The following FBXW11 variants were observed in gnomAD, a reference collection of about 807,000 sequenced individuals.
FBXW11 encodes F-box/WD repeat-containing protein 11.
A neutral mutation model predicts 77.6 loss-of-function variants in FBXW11; 19 were observed. The observed-to-expected ratio is 0.24, with a 90% CI of 0.17 to 0.36. FBXW11 has a LOEUF of 0.36. Ranked by LOEUF, FBXW11 falls within the 10% of genes least tolerant of loss-of-function variation. FBXW11 has a pLI of 1.00. For missense variants in FBXW11, 334 were observed against 704.2 expected (o/e 0.47, Z 5.95); for synonymous variants, 235 against 249.4 (o/e 0.94, Z 0.54).
chr5:171,913,829 A>ACG (rs1761048226), intron 3 of FBXW11, among the ~76,000 whole-genome samples: 1 of 110,028 alleles, frequency 9.1e-6, no homozygotes, highest in African/African-American at 3.9e-5. Context: ...ACACACACAC[A>ACG]CACACACACA....
intron 3 of FBXW11, among the ~76,000 whole-genome samples, chr5:171,913,990 A>G (rs1761068670): frequency 6.6e-6 from 1 of 152,318 alleles, no homozygotes; most frequent in East Asian, 1.9e-4. Flanking sequence ...GTAAAGGTTG[A>G]GAGCAAAAGG....
chr5:171,918,971 T>TAC (rs1561683507), intron 2 of FBXW11, among the ~76,000 whole-genome samples: 1 of 152,166 alleles, frequency 6.6e-6, no homozygotes, highest in Non-Finnish European at 1.5e-5. Flanking sequence ...ACTAAGGCAC[T>TAC]ACCATCTCAG....
rs201147396 is a variant in FBXW11, at chr5:172,004,896, T to C, written c.45+1562A>G. Reference sequence around the variant, plus strand: ...ACACACACACACACACACACACGCATGCAAAAATCAAAAACTATCAGTTTC... The same window carrying C: ...ACACACACACACACACACACACGCACGCAAAAATCAAAAACTATCAGTTTC... On this transcript the variant is annotated intron_variant, in intron 1 of 13. Transcript: ENST00000517395. Among the ~76,000 whole-genome samples the C allele has an allele frequency of 3.6e-4, 39 of 109,312 alleles. 1 individual carries two copies. Among genetic ancestry groups the C allele is most frequent in the Admixed American group, 3.6e-3 (37 of 10,376 alleles). The allele number at this position is 109,312 out of a possible 152,430, so 71.7% of individuals were successfully genotyped here. A position where few individuals can be genotyped will look rare whatever the true frequency, so the allele number is the denominator to read the frequency against.
rs370157758 is a variant in FBXW11, at chr5:171,966,045, TG to T, written c.46-8348del. On this transcript the variant is annotated intron_variant, in intron 1 of 13. Transcript: ENST00000517395. ...TTTCCCCTTTGCCTTCAGCCATGAT[TG>T]TAAGTTTCCTAAGGCCTCCCAATCA... Among the ~76,000 whole-genome samples the T allele has an allele frequency of 1.2e-3, 176 of 152,298 alleles. 1 individual carries two copies. The highest frequency in any genetic ancestry group is 4.0e-3 in the African/African-American group (165 of 41,558).
intron 2 of FBXW11, among the ~76,000 whole-genome samples, chr5:171,921,303 G>A (rs909892175): frequency 2.0e-5 from 3 of 152,172 alleles, no homozygotes; most frequent in African/African-American, 7.2e-5. Context: ...TATTTCAATT[G>A]GAAAACTCTC....
At chr5:171,872,175 G>A (rs1175362967) in intron 10 of FBXW11, among the ~76,000 whole-genome samples, 1 of 152,156 alleles carries the variant, frequency 6.6e-6, no homozygotes, top group Non-Finnish European at 1.5e-5. Flanking sequence ...AGTCACTTAT[G>A]TAAAGCTACT....
At chr5:171,870,075 CG>C (rs1757662299) in intron 11 of FBXW11, among the ~76,000 whole-genome samples, 1 of 152,096 alleles carries the variant, frequency 6.6e-6, no homozygotes, top group African/African-American at 2.4e-5. Context: ...AATTCAGTTC[CG>C]GACTTGATAA....
chr5:171,952,470 T>TTTTTTTTA (rs1763396574), intron 2 of FBXW11, among the ~76,000 whole-genome samples: 2 of 108,966 alleles, frequency 1.8e-5, no homozygotes, highest in Non-Finnish European at 3.8e-5. Context: ...TTTTTTTTTT[T>TTTTTTTTA]GAGACGGAGT....
chr5:171,870,455 AC>A (rs1268808685), intron 11 of FBXW11, among the ~76,000 whole-genome samples: 4 of 152,112 alleles, frequency 2.6e-5, no homozygotes, highest in East Asian at 1.9e-4. Context: ...AGAAGTCAAT[AC>A]CCCCACATCA....
intron 6 of FBXW11, among the ~76,000 whole-genome samples, chr5:171,893,364 G>GTCA (rs1759487754): frequency 8.1e-6 from 1 of 124,042 alleles, no homozygotes; most frequent in South Asian, 2.7e-4. Context: ...CCTAGCCTGG[G>GTCA]TCATCATCTC....
chr5:171,917,521 TA>T (rs1273442864), intron 2 of FBXW11, among the ~76,000 whole-genome samples: 4 of 152,172 alleles, frequency 2.6e-5, no homozygotes, highest in Admixed American at 6.5e-5. Context: ...TACAATTTAA[TA>T]AAATTGTTTT....
chr5:171,882,007 C>T (rs1307417129), intron 7 of FBXW11, among the ~76,000 whole-genome samples: 3 of 152,058 alleles, frequency 2.0e-5, no homozygotes, highest in Admixed American at 2.0e-4. Flanking sequence ...CTCATCTTTT[C>T]AAAGACACAT....
intron 7 of FBXW11, among the ~76,000 whole-genome samples, chr5:171,878,459 A>G (rs557224289): frequency 6.6e-5 from 10 of 152,250 alleles, no homozygotes; most frequent in African/African-American, 2.4e-4. Context: ...CATGCCTATA[A>G]TCCCAACATT....
At chr5:171,874,047 A>G (rs1757922100) in intron 9 of FBXW11, among the ~76,000 whole-genome samples, 1 of 152,256 alleles carries the variant, frequency 6.6e-6, no homozygotes, top group African/African-American at 2.4e-5. Flanking sequence ...TCATTTGTGC[A>G]TCAAAGGACA....
At chr5:171,865,797 C>T (rs1191502964) in intron 13 of FBXW11, among the ~76,000 whole-genome samples, 4 of 152,022 alleles carry the variant, frequency 2.6e-5, no homozygotes, top group East Asian at 1.9e-4. Flanking sequence ...TTTTTAAAAA[C>T]GACTCCGCAG....
chr5:171,960,448 A>T (rs886775323), intron 1 of FBXW11, among the ~76,000 whole-genome samples: 1 of 152,200 alleles, frequency 6.6e-6, no homozygotes, highest in African/African-American at 2.4e-5. Context: ...CTCATACGTA[A>T]ATCAATTTTT....
At chr5:171,955,766 G>A (rs1168200480) in intron 2 of FBXW11, among the ~76,000 whole-genome samples, 1 of 150,988 alleles carries the variant, frequency 6.6e-6, no homozygotes, top group Non-Finnish European at 1.5e-5. Context: ...TACTCTACAC[G>A]TCTCTAAAGA....
intron 2 of FBXW11, among the ~76,000 whole-genome samples, chr5:171,948,969 C>T (rs1312130083): frequency 6.6e-6 from 1 of 152,216 alleles, no homozygotes; most frequent in African/African-American, 2.4e-5. Context: ...ATCATTAAAA[C>T]TTTCTCTAAA....
intron 4 of FBXW11, among the ~76,000 whole-genome samples, chr5:171,909,143 A>G (rs1305180611): frequency 6.6e-6 from 1 of 152,218 alleles, no homozygotes; most frequent in Non-Finnish European, 1.5e-5. Context: ...AAAAAAATTC[A>G]TGATTAATCA....
Sources: allele counts gnomAD v4.1 joint callset (sites outside exome capture counted in the v4.1 genomes callset), GRCh38; gene constraint gnomAD v4.1.1; transcripts MANE v1.5; gene names NCBI Gene and HGNC (gene_info 2026-07-23, HGNC 2026-07-21).